The following INSYN2A variants were observed in gnomAD, a reference collection of about 807,000 sequenced individuals.
INSYN2A encodes inhibitory synaptic factor 2A, also known as family with sequence similarity 196 member A.
A neutral mutation model predicts 39.4 loss-of-function variants in INSYN2A; 17 were observed. The ratio of observed to expected loss-of-function variants is 0.43; its 90% CI spans 0.30 to 0.65. INSYN2A has a LOEUF of 0.65. Among genes scored for constraint, INSYN2A ranks in the 30% least tolerant of loss-of-function variants. INSYN2A has a pLI of 0.14. For synonymous variants in INSYN2A, 255 were observed against 265.7 expected (o/e 0.96, Z 0.39); for missense variants, 595 against 631.2 (o/e 0.94, Z 0.61).
chr10:127,171,712 T>C (rs1435001693), intron 4 of INSYN2A, among the ~76,000 whole-genome samples: 2 of 152,164 alleles, frequency 1.3e-5, no homozygotes, highest in Non-Finnish European at 2.9e-5. Context: ...GATTTTATTT[T>C]TATTTTTTTG....
chr10:127,191,364 A>C (rs1482668159), intron 2 of INSYN2A, among the ~76,000 whole-genome samples: 2 of 152,130 alleles, frequency 1.3e-5, no homozygotes, highest in African/African-American at 2.4e-5. Context: ...AGCTCAGTAC[A>C]TATCCACAAA....
intron 4 of INSYN2A, among the ~76,000 whole-genome samples, chr10:127,169,559 C>A (rs1045510594): frequency 9.2e-5 from 14 of 152,248 alleles, no homozygotes; most frequent in African/African-American, 3.1e-4. Flanking sequence ...CTGGCTACCA[C>A]CTGTTTTTGT....
At chr10:127,183,158 T>C (rs1589820916) in intron 2 of INSYN2A, among the ~76,000 whole-genome samples, 1 of 145,802 alleles carries the variant, frequency 6.9e-6, no homozygotes, top group Middle Eastern at 3.5e-3. Context: ...ATTGATTTTT[T>C]CCCCCCTAAA....
Position 127,137,851 on chromosome 10 carries a change from G to T in INSYN2A, c.1426C>A (p.Leu476Ile). The T allele has an allele frequency of 6.2e-7, 1 of 1,613,796 alleles. No homozygotes were observed. Among genetic ancestry groups the T allele is most frequent in the Non-Finnish European group, 8.5e-7 (1 of 1,179,938 alleles). Residue 476 changes from leucine to isoleucine, a missense_variant, in exon 6 of 6, where the codon CTC becomes ATC. Transcript: ENST00000522781. ...CACCGTGAGTGTTAAAGGAACCAGA[G>T]TTTCCATCTTCCGTGCTTTTTAGAT... ...TESKKHGRWK[L>I]WFL
chr10:127,190,397 C>T (rs1043471598), intron 2 of INSYN2A, among the ~76,000 whole-genome samples: 1 of 152,140 alleles, frequency 6.6e-6, no homozygotes, highest in South Asian at 2.1e-4. Flanking sequence ...ACAATTCTTT[C>T]CCAATCAGGA....
intron 5 of INSYN2A, among the ~76,000 whole-genome samples, chr10:127,145,144 G>A (rs1202347968): frequency 3.3e-5 from 5 of 152,064 alleles, no homozygotes; most frequent in African/African-American, 4.8e-5. Context: ...GTGCACCTGC[G>A]GCTCTGGGTC....
At chr10:127,186,524 C>CT (rs2056282171) in intron 2 of INSYN2A, among the ~76,000 whole-genome samples, 1 of 85,706 alleles carries the variant, frequency 1.2e-5, no homozygotes, top group African/African-American at 4.1e-5. Context: ...CGCCCCCCCC[C>CT]GATCCAGTTA....
At chr10:127,186,531 G>T (rs2056287185) in intron 2 of INSYN2A, among the ~76,000 whole-genome samples, 1 of 30,956 alleles carries the variant, frequency 3.2e-5, no homozygotes, top group East Asian at 5.2e-4. Flanking sequence ...CCCCGATCCA[G>T]TTACCTCCAC....
intron 2 of INSYN2A, among the ~76,000 whole-genome samples, chr10:127,191,373 A>T (rs1208073987): frequency 6.6e-6 from 1 of 152,062 alleles, no homozygotes; most frequent in African/African-American, 2.4e-5. Flanking sequence ...CATATCCACA[A>T]ATCAGAAGTC....
intron 5 of INSYN2A, 89 bp from the exon 6 acceptor site, chr10:127,138,109 G>T: frequency 8.9e-7 from 1 of 1,126,682 alleles, no homozygotes; most frequent in Non-Finnish European, 1.3e-6. Flanking sequence ...GGCATGATCA[G>T]TGTGTGTTTG....
chr10:127,195,813 G>C (rs1047770511), intron 1 of INSYN2A, among the ~76,000 whole-genome samples, 184 bp downstream of exon 1: 2 of 152,138 alleles, frequency 1.3e-5, no homozygotes, highest in African/African-American at 4.8e-5. Context: ...GACCGCACCG[G>C]GTCCGCTCCC....
At chr10:127,173,718 G>A (rs560453235) in intron 4 of INSYN2A, among the ~76,000 whole-genome samples, 2 of 152,108 alleles carry the variant, frequency 1.3e-5, no homozygotes, top group African/African-American at 4.8e-5. Context: ...GTGGACTACT[G>A]ATCAGTAAAT....
intron 5 of INSYN2A, among the ~76,000 whole-genome samples, chr10:127,143,148 T>A (rs1424172218): frequency 6.6e-6 from 1 of 152,228 alleles, no homozygotes; most frequent in African/African-American, 2.4e-5. Flanking sequence ...TGTCACTGAA[T>A]CCTCAAGATA....
At chr10:127,174,499 TG>T (rs1252975101) in intron 4 of INSYN2A, among the ~76,000 whole-genome samples, 1 of 152,190 alleles carries the variant, frequency 6.6e-6, no homozygotes, top group African/African-American at 2.4e-5. Flanking sequence ...CTTCAAAACA[TG>T]AAGTGCAAGA....
intron 4 of INSYN2A, among the ~76,000 whole-genome samples, chr10:127,161,347 C>T (rs1157294163): frequency 3.3e-5 from 5 of 152,268 alleles, no homozygotes; most frequent in South Asian, 2.1e-4. Context: ...TAGTCAAAGG[C>T]GGTACTGGCT....
chr10:127,153,994 C>G (rs1185563687), intron 4 of INSYN2A, 71 bp from the exon 5 acceptor site: 1 of 1,060,490 alleles, frequency 9.4e-7, no homozygotes, highest in Non-Finnish European at 1.5e-6. Flanking sequence ...GCAGATGCCT[C>G]AAATCAAATG....
intron 1 of INSYN2A, among the ~76,000 whole-genome samples, chr10:127,195,291 C>T (rs2057031416): frequency 6.6e-6 from 1 of 152,192 alleles, no homozygotes; most frequent in African/African-American, 2.4e-5. Context: ...CCTCGCCCGC[C>T]AGCTCGCAGT....
At chr10:127,190,414 G>T (rs1464177527) in intron 2 of INSYN2A, among the ~76,000 whole-genome samples, 2 of 152,130 alleles carry the variant, frequency 1.3e-5, no homozygotes, top group Admixed American at 1.3e-4. Context: ...AGGATTCCCT[G>T]AGTTGGTAGC....
chr10:127,151,182 C>T (rs965534920), intron 5 of INSYN2A, among the ~76,000 whole-genome samples: 1 of 152,056 alleles, frequency 6.6e-6, no homozygotes, highest in Non-Finnish European at 1.5e-5. Context: ...TAATTATTTC[C>T]ATTATAACAT....
Sources: allele counts gnomAD v4.1 joint callset (sites outside exome capture counted in the v4.1 genomes callset), GRCh38; gene constraint gnomAD v4.1.1; transcripts MANE v1.5; gene names NCBI Gene and HGNC (gene_info 2026-07-23, HGNC 2026-07-21).